PIK3R5: variants seen among roughly 807,000 people sequenced by gnomAD.
PIK3R5 encodes the protein phosphoinositide-3-kinase regulatory subunit 5.
In PIK3R5, 32 loss-of-function variants were observed where a neutral mutation model predicts 94.9. The observed-to-expected ratio is 0.34, with a 90% CI of 0.25 to 0.45. PIK3R5 has a LOEUF of 0.45. Among genes scored for constraint, PIK3R5 ranks in the 20% least tolerant of loss-of-function variants. The pLI is 1.00. For synonymous variants in PIK3R5, 443 were observed against 479.4 expected, an observed-to-expected ratio of 0.92 and a Z score of 0.99; for missense variants, 853 against 1,144.6, an observed-to-expected ratio of 0.75 and a Z score of 3.68.
In PIK3R5 at chr17:8,963,508, ATTC is replaced by A. The variant is rs1314825888; in HGVS notation, c.-14+2085_-14+2087del. ...AGTGCCACCAGTTAGCATCCAACCTATTCTTCTTCTTCTTCTTCTTTTTTTTTT... is the reference window on the plus strand; with the variant it reads ...AGTGCCACCAGTTAGCATCCAACCTATTCTTCTTCTTCTTCTTTTTTTTTT... On this transcript the variant is annotated intron_variant, in intron 1 of 18. Coordinates refer to ENST00000447110, the MANE Select transcript of PIK3R5 (RefSeq NM_001142633.3). 3.4e-4 allele frequency among the ~76,000 whole-genome samples: 43 copies of A among 125,138 alleles called. 1 individual carries two copies. The South Asian group carries it at 4.7e-3, about 14-fold the overall frequency. 82.1% of individuals were successfully genotyped at this position (125,138 alleles called of 152,430 possible). A position where few individuals can be genotyped will look rare whatever the true frequency, so the allele number is the denominator to read the frequency against.
At chr17:8,891,764 C>CTT (rs796816095) in intron 6 of PIK3R5, among the ~76,000 whole-genome samples, 3 of 144,668 alleles carry the variant, frequency 2.1e-5, no homozygotes, top group African/African-American at 5.0e-5. Flanking sequence ...GCCCAGCTAA[C>CTT]TTTTTTTTTT....
Position 8,911,612 on chromosome 17 carries a change from C to T in PIK3R5, c.-13-105G>A. Reference sequence around the variant, plus strand: ...TCACAGTGCAGCGCGATCAGCCCAGCCCAGCTATAGCTCAGGTGCTGTGGA... The same window carrying T: ...TCACAGTGCAGCGCGATCAGCCCAGTCCAGCTATAGCTCAGGTGCTGTGGA... On this transcript the variant is annotated intron_variant, in intron 1 of 18. Transcript: ENST00000447110. The surrounding 1 kb of genome is among the most constrained non-coding windows in gnomAD (Gnocchi z 5.3). 1.4e-6 allele frequency: 1 copy of T among 705,356 alleles called. No homozygotes were observed. 43.7% of individuals were successfully genotyped at this position (705,356 alleles called of 1,614,324 possible).
chr17:8,909,588 G>A lies in PIK3R5; in HGVS notation c.104-414C>T, dbSNP rs146612875. Among the ~76,000 whole-genome samples the A allele has an allele frequency of 2.7e-3, 416 of 152,314 alleles. 1 individual carries two copies. Among genetic ancestry groups the A allele is most frequent in the African/African-American group, 9.5e-3 (397 of 41,578 alleles). On this transcript the variant is annotated intron_variant, in intron 2 of 18. Coordinates refer to ENST00000447110, the MANE Select transcript of PIK3R5 (RefSeq NM_001142633.3). This position sits in a 1 kb window ranked among gnomAD's most constrained non-coding sequence, Gnocchi z 4.3. ...AGGCGTGAGCCACTGCACCCGGCCT[G>A]GAACACTCCTTTCTAAAGTAAGTGA...
At position 8,924,757 on chromosome 17, in the gene PIK3R5, G is replaced by A. The variant is rs151165947; in HGVS notation, c.-13-13250C>T. Among the ~76,000 whole-genome samples, 354 of 152,236 alleles carry A rather than the reference G, an allele frequency of 2.3e-3. 1 individual carries two copies. The highest frequency in any genetic ancestry group is 7.6e-3 in the African/African-American group (315 of 41,528). On this transcript the variant is annotated intron_variant, in intron 1 of 18. Transcript: ENST00000447110. ...CCCATTCATGAATATGCTTTAGAGC[G>A]AAACCTCTCTAACAAGAAAACAGAT...
Position 8,890,180 on chromosome 17 carries a change from A to C in PIK3R5, c.658-54T>G. On this transcript the variant is annotated intron_variant, in intron 7 of 18. Coordinates refer to ENST00000447110, the MANE Select transcript of PIK3R5 (RefSeq NM_001142633.3). This position sits in a 1 kb window ranked among gnomAD's most constrained non-coding sequence, Gnocchi z 6.1. ...CTCCTGGACCGTGAGCTAGCTGTCC[A>C]CCTGTTCCAGTTGCTAGCTTCTTAC... 2 of 1,584,780 alleles carry C rather than the reference A, an allele frequency of 1.3e-6. No homozygotes were observed. The highest frequency in any genetic ancestry group is 1.1e-5 in the South Asian group (1 of 90,352).
intron 1 of PIK3R5, among the ~76,000 whole-genome samples, chr17:8,954,078 A>G (rs2091426035): frequency 6.6e-6 from 1 of 151,930 alleles, no homozygotes; most frequent in South Asian, 2.1e-4. Flanking sequence ...GAAAAAAAGA[A>G]AAAAAGAAAA....
At chr17:8,908,572 C>CACAA (rs59377538) in intron 3 of PIK3R5, among the ~76,000 whole-genome samples, 4 of 149,032 alleles carry the variant, frequency 2.7e-5, no homozygotes, top group African/African-American at 7.5e-5. Flanking sequence ...CACACACACA[C>CACAA]AACCATAAAA....
At chr17:8,929,629 A>G (rs2090952276) in intron 1 of PIK3R5, among the ~76,000 whole-genome samples, 1 of 152,204 alleles carries the variant, frequency 6.6e-6, no homozygotes, top group Non-Finnish European at 1.5e-5. Context: ...TATACAGCCA[A>G]AAAAAGAGAA....
chr17:8,884,638 T>C lies in PIK3R5; in HGVS notation c.2205+69A>G, dbSNP rs436384. On this transcript the variant is annotated intron_variant, in intron 15 of 18. Coordinates refer to ENST00000447110, the MANE Select transcript of PIK3R5 (RefSeq NM_001142633.3). This position sits in a 1 kb window ranked among gnomAD's most constrained non-coding sequence, Gnocchi z 5.8. Reference sequence around the variant, plus strand: ...AGGAACACACGAGTCCAGCTCTGGGTCCAAGCTCTGGCGGAGGAAGTATCA... The same window carrying C: ...AGGAACACACGAGTCCAGCTCTGGGCCCAAGCTCTGGCGGAGGAAGTATCA... 0.14 allele frequency: 173,949 copies of C among 1,276,284 alleles called. 15,407 individuals carry two copies. Among genetic ancestry groups the C allele is most frequent in the African/African-American group, 0.37 (25,475 of 68,534 alleles). 79.1% of individuals were successfully genotyped at this position (1,276,284 alleles called of 1,614,324 possible). A position where few individuals can be genotyped will look rare whatever the true frequency, so the allele number is the denominator to read the frequency against.
chr17:8,942,667 G>A (rs954062710), intron 1 of PIK3R5, among the ~76,000 whole-genome samples: 7 of 144,340 alleles, frequency 4.8e-5, no homozygotes, highest in Admixed American at 1.4e-4. Context: ...GTGCAGTGGT[G>A]CGATCTCTGC....
chr17:8,946,358 A>G (rs12602497), intron 1 of PIK3R5, among the ~76,000 whole-genome samples: 125,814 of 151,540 alleles, frequency 0.83, 52,450 homozygotes, highest in Non-Finnish European at 0.86. Context: ...TTACTGTGAC[A>G]CCATCCACCA....
In PIK3R5 at chr17:8,892,990, A is replaced by G. The variant is rs1294207614; in HGVS notation, c.482+596T>C. On this transcript the variant is annotated intron_variant, in intron 6 of 18. Coordinates refer to ENST00000447110, the MANE Select transcript of PIK3R5 (RefSeq NM_001142633.3). The surrounding 1 kb of genome is among the most constrained non-coding windows in gnomAD (Gnocchi z 4.3). ...CTGGGGAGCCAAATTTGTTTCTTAA[A>G]TGAAATAGAATAGAACAGAGCTCAT... Among the ~76,000 whole-genome samples, 1 of 152,082 alleles carries G rather than the reference A, an allele frequency of 6.6e-6. No individual in the cohort carries two copies. The highest frequency in any genetic ancestry group is 1.5e-5 in the Non-Finnish European group (1 of 68,010).
chr17:8,895,821 A>G (rs1216373225), intron 5 of PIK3R5, among the ~76,000 whole-genome samples: 3 of 152,218 alleles, frequency 2.0e-5, no homozygotes, highest in East Asian at 3.9e-4. Context: ...GCACACTCTG[A>G]CCCAGAGAGA....
chr17:8,903,112 T>C (rs754688330), intron 5 of PIK3R5, among the ~76,000 whole-genome samples: 35 of 152,228 alleles, frequency 2.3e-4, no homozygotes, highest in South Asian at 6.2e-4. Flanking sequence ...CCCAAAGTGC[T>C]GGGATTACAG....
intron 1 of PIK3R5, among the ~76,000 whole-genome samples, chr17:8,964,188 T>C (rs1376639189): frequency 3.9e-5 from 6 of 152,084 alleles, no homozygotes; most frequent in African/African-American, 1.2e-4. Context: ...CTCAAGGAAT[T>C]TGGGACCAAC....
At chr17:8,937,177 TAC>T (rs1387742038) in intron 1 of PIK3R5, among the ~76,000 whole-genome samples, 1 of 152,238 alleles carries the variant, frequency 6.6e-6, no homozygotes, top group Non-Finnish European at 1.5e-5. Flanking sequence ...TGGGATTTTA[TAC>T]ATAGACAATC....
At chr17:8,921,138 G>A (rs9652823) in intron 1 of PIK3R5, among the ~76,000 whole-genome samples, 41,797 of 152,134 alleles carry the variant, frequency 0.27, 6,591 homozygotes, top group Non-Finnish European at 0.35. Context: ...ACTGCACCCG[G>A]CCTGTATTAA....
chr17:8,964,348 G>A (rs1483954128), intron 1 of PIK3R5, among the ~76,000 whole-genome samples: 1 of 152,036 alleles, frequency 6.6e-6, no homozygotes, highest in Non-Finnish European at 1.5e-5. Flanking sequence ...CCATGATCAC[G>A]CCACTGCACT....
chr17:8,885,876 C>A (rs2089830363), intron 14 of PIK3R5, among the ~76,000 whole-genome samples: 1 of 135,072 alleles, frequency 7.4e-6, no homozygotes, highest in Non-Finnish European at 1.6e-5. Flanking sequence ...CTCCCCATGG[C>A]CCTGCCTCCC....
Sources: allele counts gnomAD v4.1 joint callset (sites outside exome capture counted in the v4.1 genomes callset), GRCh38; gene constraint gnomAD v4.1.1; non-coding constraint Gnocchi (gnomAD v3.1); transcripts MANE v1.5; gene names NCBI Gene and HGNC (gene_info 2026-07-23, HGNC 2026-07-21).